Variants in TTC21B observed in about 807,000 individuals in gnomAD.
TTC21B encodes tetratricopeptide repeat domain 21B.
TTC21B carries 127 observed loss-of-function variants against 175.1 expected under a neutral mutation model. That is an observed-to-expected ratio of 0.73 (90% CI 0.63 to 0.84). TTC21B has a LOEUF of 0.84. Among genes scored for constraint, TTC21B ranks in the 40% least tolerant of loss-of-function variants. The probability of loss-of-function intolerance (pLI) is 0.00; values close to 1 mark genes in which losing one functional copy is unlikely to be tolerated. For synonymous variants in TTC21B, 524 were observed against 524.5 expected (o/e 1.00, Z 0.01); for missense variants, 1,561 against 1,558.3 (o/e 1.00, Z -0.03).
At chr2:165,924,467 T>C (rs1686545821) in intron 12 of TTC21B, 82 bp downstream of exon 12, 2 of 1,361,508 alleles carry the variant, frequency 1.5e-6, no homozygotes, top group Admixed American at 1.8e-5. Context: ...ATTCTCTATA[T>C]ATACACAGTG....
intron 13 of TTC21B, among the ~76,000 whole-genome samples, chr2:165,918,142 G>A (rs1267983889): frequency 6.6e-6 from 1 of 152,194 alleles, no homozygotes; most frequent in Non-Finnish European, 1.5e-5. Context: ...TCAACCTTAG[G>A]CAGCCTGCAC....
intron 27 of TTC21B, among the ~76,000 whole-genome samples, chr2:165,876,884 A>T (rs998934463): frequency 6.6e-6 from 1 of 152,214 alleles, no homozygotes; most frequent in African/African-American, 2.4e-5. Context: ...GTGGTAGGAC[A>T]CACAGGGAGT....
intron 28 of TTC21B, 62 bp from the exon 29 acceptor site, chr2:165,874,894 C>T (rs1475862761): frequency 2.8e-6 from 4 of 1,429,582 alleles, no homozygotes; most frequent in African/African-American, 1.4e-5. Context: ...TACGGAGTTA[C>T]AAAACTTATA....
At position 165,899,882 on chromosome 2, in the gene TTC21B, T is replaced by C. The variant is rs766132877; in HGVS notation, c.2758-2A>G. 37 of 1,592,480 alleles carry C rather than the reference T, an allele frequency of 2.3e-5. No individual in the cohort carries two copies. The highest frequency in any genetic ancestry group is 3.0e-5 in the Non-Finnish European group (35 of 1,160,654). ...TAATCGTGCCAGTTCCAACATAATC[T>C]GTAGAGCAAAGGGCTAGATTCATCA... On this transcript the variant is annotated splice_acceptor_variant, in intron 20 of 28. Transcript: ENST00000243344. LOFTEE classifies it high-confidence loss of function.
At chr2:165,923,767 T>C (rs1470060024) in intron 12 of TTC21B, among the ~76,000 whole-genome samples, 1 of 124,038 alleles carries the variant, frequency 8.1e-6, no homozygotes, top group Non-Finnish European at 1.8e-5. Flanking sequence ...TTTTTTTTAA[T>C]GAGACAGGGT....
intron 24 of TTC21B, among the ~76,000 whole-genome samples, chr2:165,890,236 C>A (rs1425947487): frequency 2.6e-5 from 4 of 152,102 alleles, no homozygotes; most frequent in African/African-American, 9.7e-5. Context: ...ATTTAGGAAA[C>A]CTAAAAGCAT....
chr2:165,928,855 T>C (rs1399051198), intron 11 of TTC21B: 3 of 387,682 alleles, frequency 7.7e-6, no homozygotes, highest in South Asian at 7.0e-5. Flanking sequence ...GTAGCAAATA[T>C]AAGGTAGGTG....
At chr2:165,937,771 C>CCACACACACACACACACACA (rs4001021) in intron 6 of TTC21B, among the ~76,000 whole-genome samples, 2 of 127,632 alleles carry the variant, frequency 1.6e-5, no homozygotes, top group South Asian at 3.0e-4. Flanking sequence ...TATATAGAAA[C>CCACACACACACACACACACA]CACACACACA....
intron 18 of TTC21B, among the ~76,000 whole-genome samples, chr2:165,909,200 A>AT (rs1685848471): frequency 6.6e-6 from 1 of 152,164 alleles, no homozygotes; most frequent in Non-Finnish European, 1.5e-5. Flanking sequence ...TTGGCTATCC[A>AT]TTTTGGAAAC....
intron 6 of TTC21B, among the ~76,000 whole-genome samples, chr2:165,938,780 G>A (rs1687258727): frequency 1.3e-5 from 2 of 151,952 alleles, no homozygotes; most frequent in South Asian, 4.2e-4. Context: ...GAAAGAAAGA[G>A]TGAGAAAGAA....
chr2:165,914,657 C>CTGTGTGTGTGTGTGTGTGTG (rs551411661), intron 15 of TTC21B, among the ~76,000 whole-genome samples: 2,065 of 118,058 alleles, frequency 0.017, 50 homozygotes, highest in East Asian at 0.033. Context: ...GAAGAGCAAT[C>CTGTGTGTGTGTGTGTGTGTG]TGTGTGTGTG....
At chr2:165,886,585 C>A (rs1461832171) in intron 25 of TTC21B, among the ~76,000 whole-genome samples, 2 of 151,988 alleles carry the variant, frequency 1.3e-5, no homozygotes, top group Admixed American at 1.3e-4. Context: ...GTAAACAGAT[C>A]TGAAGATAGT....
chr2:165,884,822 T>A (rs1053491307), intron 25 of TTC21B, among the ~76,000 whole-genome samples: 3 of 152,200 alleles, frequency 2.0e-5, no homozygotes, highest in African/African-American at 7.2e-5. Context: ...CTGATTAAGG[T>A]AGGATGCTTC....
At position 165,951,367 on chromosome 2, in the gene TTC21B, T is replaced by G. The variant is rs567351534; in HGVS notation, c.22-1643A>C. 3.9e-5 allele frequency among the ~76,000 whole-genome samples: 6 copies of G among 152,240 alleles called. No individual in the cohort carries two copies. The East Asian group carries it at 9.6e-4, about 24-fold the overall frequency. On this transcript the variant is annotated intron_variant, in intron 1 of 28. Coordinates refer to ENST00000243344, the MANE Select transcript of TTC21B (RefSeq NM_024753.5). ...AGTAATGCAAATGTACAGGTCACTG[T>G]GAGAATTAATTAAGATATCATAGTA...
chr2:165,886,344 C>G (rs1684997355), intron 25 of TTC21B, among the ~76,000 whole-genome samples: 1 of 152,152 alleles, frequency 6.6e-6, no homozygotes. Flanking sequence ...ATTAAGTCAT[C>G]ATAGTCAGTA....
chr2:165,908,112 T>A (rs1331207884), intron 18 of TTC21B, among the ~76,000 whole-genome samples: 1 of 152,188 alleles, frequency 6.6e-6, no homozygotes, highest in South Asian at 2.1e-4. Context: ...CTGAAGTCAT[T>A]AGAAGATAGA....
chr2:165,926,925 G>A (rs1432276239), intron 11 of TTC21B, among the ~76,000 whole-genome samples: 2 of 145,898 alleles, frequency 1.4e-5, no homozygotes, highest in South Asian at 2.2e-4. Context: ...GGGACACTGT[G>A]ATCGTGTGAG....
At chr2:165,896,757 T>C (rs1348853954) in intron 22 of TTC21B, among the ~76,000 whole-genome samples, 3 of 152,198 alleles carry the variant, frequency 2.0e-5, no homozygotes, top group Admixed American at 6.5e-5. Context: ...GCCTACCTAG[T>C]TTCTGTTGTC....
intron 6 of TTC21B, among the ~76,000 whole-genome samples, chr2:165,935,132 C>A (rs575781884): frequency 1.3e-5 from 2 of 152,282 alleles, no homozygotes; most frequent in South Asian, 2.1e-4. Context: ...AGATGGAAAG[C>A]GTCTAGGTCC....
Sources: allele counts gnomAD v4.1 joint callset (sites outside exome capture counted in the v4.1 genomes callset), GRCh38; gene constraint gnomAD v4.1.1; transcripts MANE v1.5; gene names NCBI Gene and HGNC (gene_info 2026-07-23, HGNC 2026-07-21).